TMPRSS7: variants seen among roughly 807,000 people sequenced by gnomAD.
The protein encoded by TMPRSS7 is transmembrane protease serine 7.
Under a neutral mutation model 95.6 loss-of-function variants are expected in TMPRSS7, and 81 were observed. The ratio of observed to expected loss-of-function variants is 0.85; its 90% CI spans 0.71 to 1.02. The LOEUF (loss-of-function observed/expected upper bound fraction) is 1.02, where lower values mean the gene tolerates loss of function less well. Ranked by LOEUF, TMPRSS7 falls within the 50% of genes least tolerant of loss-of-function variation. The pLI is 0.00. For synonymous variants in TMPRSS7, 364 were observed against 337.8 expected (o/e 1.08, Z -0.85); for missense variants, 945 against 955.2 (o/e 0.99, Z 0.14).
intron 13 of TMPRSS7, among the ~76,000 whole-genome samples, chr3:112,071,597 T>A (rs1172117065): frequency 6.6e-6 from 1 of 152,214 alleles, no homozygotes; most frequent in African/African-American, 2.4e-5. Flanking sequence ...CAAATGTAGA[T>A]TTGGTCCTTT....
chr3:112,076,927 G>A (rs2107764206), exon 16 of TMPRSS7: 1 of 1,614,224 alleles, frequency 6.2e-7, no homozygotes, highest in Middle Eastern at 1.6e-4. Flanking sequence ...ATGTTCAGGG[G>A]AATGCCAAGT....
chr3:112,067,678 C>G (rs995326725), intron 13 of TMPRSS7, among the ~76,000 whole-genome samples: 1 of 151,834 alleles, frequency 6.6e-6, no homozygotes, highest in Non-Finnish European at 1.5e-5. Flanking sequence ...GATGGGGTTG[C>G]TTGTTTTTCT....
chr3:112,062,286 G>A (rs2073518541), intron 11 of TMPRSS7, among the ~76,000 whole-genome samples: 1 of 152,166 alleles, frequency 6.6e-6, no homozygotes. Context: ...CCAACATGTA[G>A]TGGATCCAAA....
intron 13 of TMPRSS7, among the ~76,000 whole-genome samples, chr3:112,068,641 G>A (rs533393485): frequency 6.6e-6 from 1 of 152,106 alleles, no homozygotes; most frequent in Non-Finnish European, 1.5e-5. Context: ...TTATTGGTGT[G>A]TAAGAACGCT....
intron 10 of TMPRSS7, among the ~76,000 whole-genome samples, chr3:112,059,078 C>T (rs2107750332): frequency 6.6e-6 from 1 of 152,310 alleles, no homozygotes; most frequent in Non-Finnish European, 1.5e-5. Flanking sequence ...TGGAAGAAGC[C>T]TAATGATCTC....
At chr3:112,061,976 C>T (rs2073514576) in intron 11 of TMPRSS7, 53 bp downstream of exon 11, 5 of 1,394,694 alleles carry the variant, frequency 3.6e-6, no homozygotes, top group Non-Finnish European at 4.8e-6. Context: ...TAGAGGATAA[C>T]ATTTTATAAT....
Position 112,048,072 on chromosome 3 carries a change from T to C in TMPRSS7, c.959+105T>C, listed in dbSNP as rs549019584. The C allele has an allele frequency of 9.3e-4, 967 of 1,039,288 alleles. 1 individual carries two copies. Among genetic ancestry groups the C allele is most frequent in the South Asian group, 2.3e-3 (149 of 64,710 alleles). The allele number at this position is 1,039,288 out of a possible 1,614,324, so 64.4% of individuals were successfully genotyped here. On this transcript the variant is annotated intron_variant, in intron 7 of 17. Transcript: ENST00000452346. ...TTTTTTTTTAAAAACAGTTTTTGTG[T>C]GCACACATGAGGTCAATGGCTGACC...
chr3:112,078,822 A>G, exon 17 of TMPRSS7: 3 of 1,614,218 alleles, frequency 1.9e-6, no homozygotes, highest in Non-Finnish European at 1.7e-6. Context: ...CTACGGGATC[A>G]TCACTTCTCG....
At chr3:112,066,138 CTAAA>C (rs1004355610) in intron 12 of TMPRSS7, among the ~76,000 whole-genome samples, 7 of 152,154 alleles carry the variant, frequency 4.6e-5, no homozygotes. Context: ...TTAATTGTAA[CTAAA>C]TAAACAAGCC....
In TMPRSS7 at chr3:112,043,941, T is replaced by C. The variant is rs2073243681; in HGVS notation, c.430-314T>C. ...TGAAAATGTACTTAAATGAGTTTGA[T>C]TTGTTAACTGTGGGGAAAATTAACC... On this transcript the variant is annotated intron_variant, in intron 3 of 17. Coordinates refer to ENST00000452346, the Ensembl canonical transcript of TMPRSS7. 3.3e-5 allele frequency among the ~76,000 whole-genome samples: 5 copies of C among 152,346 alleles called. No homozygotes were observed. The South Asian group carries it at 1.0e-3, about 32-fold the overall frequency.
intron 15 of TMPRSS7, 39 bp downstream of exon 15, chr3:112,075,531 T>C (rs2073701706): frequency 1.5e-6 from 2 of 1,376,536 alleles, no homozygotes; most frequent in African/African-American, 3.0e-5. Context: ...TGGCACTCTG[T>C]GGCCATAGAC....
At position 112,074,162 on chromosome 3, in the gene TMPRSS7, T is replaced by G. The variant is rs540964867; in HGVS notation, c.1667-134T>G. On this transcript the variant is annotated intron_variant, in intron 13 of 17. Transcript: ENST00000452346. ...AGGTTGCTTCTCTTCTCTCTGCCATTTATCCCAGAGCAGCAAATACCAATC... is the reference window on the plus strand; with the variant it reads ...AGGTTGCTTCTCTTCTCTCTGCCATGTATCCCAGAGCAGCAAATACCAATC... The G allele has an allele frequency of 6.3e-5, 39 of 618,134 alleles. No homozygotes were observed. In the Middle Eastern group the frequency reaches 1.8e-3, roughly 29 times the overall value. The allele number at this position is 618,134 out of a possible 1,614,324, so 38.3% of individuals were successfully genotyped here. A position where few individuals can be genotyped will look rare whatever the true frequency, so the allele number is the denominator to read the frequency against.
In TMPRSS7 at chr3:112,048,057, A is replaced by T. The variant is rs2073301730; in HGVS notation, c.959+90A>T. On this transcript the variant is annotated intron_variant, in intron 7 of 17. Transcript: ENST00000452346. Reference sequence around the variant, plus strand: ...TGTGTTCCCCCTGGATTTTTTTTTAAAAACAGTTTTTGTGTGCACACATGA... The same window carrying T: ...TGTGTTCCCCCTGGATTTTTTTTTATAAACAGTTTTTGTGTGCACACATGA... 3.1e-6 allele frequency: 4 copies of T among 1,306,898 alleles called. No homozygotes were observed. In the East Asian group the frequency reaches 9.3e-5, roughly 30 times the overall value. 81.0% of individuals were successfully genotyped at this position (1,306,898 alleles called of 1,614,324 possible).
At chr3:112,076,747 C>T in intron 15 of TMPRSS7, 129 bp from the exon 16 acceptor site, 1 of 1,108,166 alleles carries the variant, frequency 9.0e-7, no homozygotes. Context: ...CGGACAAAGC[C>T]AGTGACTATA....
intron 13 of TMPRSS7, among the ~76,000 whole-genome samples, chr3:112,068,464 T>C (rs2073603234): frequency 6.6e-6 from 1 of 152,236 alleles, no homozygotes; most frequent in Admixed American, 6.5e-5. Context: ...GAGCATGGAA[T>C]GTTCTTCCAT....
chr3:112,075,610 TTCA>T, intron 15 of TMPRSS7, 118 bp downstream of exon 15: 1 of 956,626 alleles, frequency 1.0e-6, no homozygotes, highest in Non-Finnish European at 1.4e-6. Flanking sequence ...CAATTGCACT[TTCA>T]TTTTTTGGAT....
At chr3:112,068,634 T>C (rs2073605403) in intron 13 of TMPRSS7, among the ~76,000 whole-genome samples, 1 of 152,214 alleles carries the variant, frequency 6.6e-6, no homozygotes, top group Non-Finnish European at 1.5e-5. Flanking sequence ...TTGCCTGTTA[T>C]TGGTGTGTAA....
chr3:112,053,666 GACATATTCTTAGC>G (rs1416478488), intron 9 of TMPRSS7, among the ~76,000 whole-genome samples: 1 of 152,170 alleles, frequency 6.6e-6, no homozygotes, highest in Non-Finnish European at 1.5e-5. Flanking sequence ...TAATACAGAA[GACATATTCTTAGC>G]ACATTTTATA....
intron 2 of TMPRSS7, 36 bp downstream of exon 2, chr3:112,038,357 C>T: frequency 2.9e-6 from 2 of 692,616 alleles, no homozygotes; most frequent in South Asian, 3.0e-5. Flanking sequence ...GGGGTTAGGG[C>T]TTATGGTATG....
Sources: gnomAD v4.1 joint callset for allele counts (sites outside exome capture counted in the v4.1 genomes callset) on GRCh38, gnomAD v4.1.1 for gene constraint, MANE v1.5 for transcripts, NCBI Gene and HGNC (gene_info 2026-07-23, HGNC 2026-07-21) for gene names.